The following BANF2 variants were observed in gnomAD, a reference collection of about 807,000 sequenced individuals.
BANF2 encodes barrier-to-autointegration factor-like protein.
In BANF2, 4 loss-of-function variants were observed where a neutral mutation model predicts 8.0. That is an observed-to-expected ratio of 0.50 (90% CI 0.25 to 1.14). BANF2 has a LOEUF of 1.14. BANF2 is among the 50% of genes most tolerant of loss of function. The pLI, the probability that BANF2 is intolerant of heterozygous loss-of-function variation, is 0.16. For synonymous variants in BANF2, 50 were observed against 40.6 expected (o/e 1.23, Z -0.88); for missense variants, 96 against 107.5 (o/e 0.89, Z 0.47).
chr20:17,729,170 TG>T (rs1288375565), intron 3 of BANF2, among the ~76,000 whole-genome samples: 1 of 152,194 alleles, frequency 6.6e-6, no homozygotes, highest in African/African-American at 2.4e-5. Context: ...ATGGTGCACA[TG>T]CCAATGAGGC....
chr20:17,735,598 AAG>A lies in BANF2; in HGVS notation c.127-64_127-63del, dbSNP rs2037965507. 3.2e-5 allele frequency: 49 copies of A among 1,526,044 alleles called. 1 individual carries two copies. The South Asian group carries it at 5.4e-4, about 17-fold the overall frequency. The allele number at this position is 1,526,044 out of a possible 1,614,324, so 94.5% of individuals were successfully genotyped here. On this transcript the variant is annotated intron_variant, in intron 3 of 3. Coordinates refer to ENST00000246090, the MANE Select transcript of BANF2 (RefSeq NM_178477.5). Reference sequence around the variant, plus strand: ...ACGTGAGCCCTGGTTGCTGGGAAGGAAGAGCGCGTCTGAGCTGGCTTATGATA... The same window carrying A: ...ACGTGAGCCCTGGTTGCTGGGAAGGAAGCGCGTCTGAGCTGGCTTATGATA...
Position 17,700,027 on chromosome 20 carries a change from A to G in BANF2, c.-195A>G, listed in dbSNP as rs3194551. 701,324 of 984,162 alleles carry G rather than the reference A, an allele frequency of 0.71. 255,803 individuals are homozygous for G. Among genetic ancestry groups the G allele is most frequent in the East Asian group, 0.95 (8,348 of 8,800 alleles). The allele number at this position is 984,162 out of a possible 1,614,324, so 61.0% of individuals were successfully genotyped here. On this transcript the variant is annotated 5_prime_UTR_variant, in exon 1 of 4. Transcript: ENST00000246090. ...TCCAAGGTGACTGAGACAAACTGCCAGCTGCCACTGGCTTATCAGGAGCAC... is the reference window on the plus strand; with the variant it reads ...TCCAAGGTGACTGAGACAAACTGCCGGCTGCCACTGGCTTATCAGGAGCAC...
chr20:17,732,961 G>A (rs988331461), intron 3 of BANF2, among the ~76,000 whole-genome samples: 1 of 152,194 alleles, frequency 6.6e-6, no homozygotes, highest in African/African-American at 2.4e-5. Flanking sequence ...AAGTGCTCAG[G>A]GAAGAAGGGA....
intron 2 of BANF2, among the ~76,000 whole-genome samples, chr20:17,724,513 C>A (rs1321885325): frequency 6.6e-6 from 1 of 152,212 alleles, no homozygotes; most frequent in African/African-American, 2.4e-5. Flanking sequence ...CGCTGCGACC[C>A]ATTCCCACCT....
At position 17,735,669 on chromosome 20, in the gene BANF2, A is replaced by G. The variant is rs1568823243; in HGVS notation, c.131A>G (p.Tyr44Cys). The change falls in exon 4 of 4, where the codon TAC becomes TGC. Residue 44 changes from tyrosine (Y) to cysteine (C), a missense_variant. Tyr to Cys is a radical substitution (Grantham distance 194, BLOSUM62 -2). Coordinates refer to ENST00000246090, the MANE Select transcript of BANF2 (RefSeq NM_178477.5). ...CCTGTCTCATCCCCTCCCCAGGCCT[A>G]CATCCTGCTGGGACAATTCCTTCTG... ...NLVTKGINKA[Y>C]ILLGQFLLMH... 1 of 1,613,742 alleles carries G rather than the reference A, an allele frequency of 6.2e-7. No individual in the cohort carries two copies. The highest frequency in any genetic ancestry group is 8.5e-7 in the Non-Finnish European group (1 of 1,179,718).
chr20:17,712,665 A>G (rs2037591829), intron 1 of BANF2: 1 of 517,770 alleles, frequency 1.9e-6, no homozygotes, highest in Non-Finnish European at 2.5e-6. Context: ...TGGGGCAGAG[A>G]AGGTAGATTC....
chr20:17,735,120 AAAGAG>A (rs1415866850), intron 3 of BANF2, among the ~76,000 whole-genome samples: 1 of 151,760 alleles, frequency 6.6e-6, no homozygotes, highest in Non-Finnish European at 1.5e-5. Flanking sequence ...AAAGAAAAGA[AAAGAG>A]AAGAAAAGAA....
chr20:17,728,903 C>T (rs2037852398), intron 3 of BANF2, among the ~76,000 whole-genome samples: 1 of 151,954 alleles, frequency 6.6e-6, no homozygotes, highest in African/African-American at 2.4e-5. Context: ...AAAGACTTAG[C>T]CCAAAAAAGG....
At chr20:17,716,516 G>C (rs922983028) in intron 1 of BANF2, among the ~76,000 whole-genome samples, 4 of 151,904 alleles carry the variant, frequency 2.6e-5, no homozygotes, top group East Asian at 1.9e-4. Flanking sequence ...GTAAAGACAA[G>C]GTTGTGGCAT....
chr20:17,729,986 T>G (rs2037868578), intron 3 of BANF2, among the ~76,000 whole-genome samples: 1 of 152,178 alleles, frequency 6.6e-6, no homozygotes, highest in African/African-American at 2.4e-5. Context: ...TCTCCCACAG[T>G]GCAAAAGTAA....
intron 1 of BANF2, among the ~76,000 whole-genome samples, chr20:17,716,248 G>T (rs922281201): frequency 1.3e-5 from 2 of 152,164 alleles, no homozygotes; most frequent in Admixed American, 6.5e-5. Flanking sequence ...AGCCTGACAG[G>T]GTCTCCTCAG....
At chr20:17,722,913 G>A (rs1168583188) in intron 2 of BANF2, 35 bp downstream of exon 2, 1 of 969,700 alleles carries the variant, frequency 1.0e-6, no homozygotes, top group Non-Finnish European at 1.2e-6. Context: ...GAGGGGATGG[G>A]GCTGTGAAAG....
chr20:17,725,573 G>T (rs1432767016), intron 3 of BANF2, among the ~76,000 whole-genome samples: 1 of 152,244 alleles, frequency 6.6e-6, no homozygotes, highest in East Asian at 1.9e-4. Flanking sequence ...AGAAACAGGA[G>T]CCTGGGGTCT....
At chr20:17,729,881 C>G (rs1216236497) in intron 3 of BANF2, among the ~76,000 whole-genome samples, 1 of 152,170 alleles carries the variant, frequency 6.6e-6, no homozygotes, top group Admixed American at 6.5e-5. Context: ...TTCTCTTCTC[C>G]CTGTGAAAAC....
intron 1 of BANF2, among the ~76,000 whole-genome samples, chr20:17,720,764 G>A (rs1200431305): frequency 3.3e-5 from 5 of 152,310 alleles, no homozygotes; most frequent in Admixed American, 6.5e-5. Flanking sequence ...TTACTGAACC[G>A]TGCACTTAAA....
intron 3 of BANF2, chr20:17,731,160 G>A (rs769439168): frequency 6.6e-6 from 1 of 152,410 alleles, no homozygotes; most frequent in African/African-American, 2.4e-5. Flanking sequence ...CTACTTGGGA[G>A]GCTGAGGCAG....
At chr20:17,705,777 A>G (rs1181920100) in intron 1 of BANF2, among the ~76,000 whole-genome samples, 3 of 152,228 alleles carry the variant, frequency 2.0e-5, no homozygotes, top group African/African-American at 7.2e-5. Context: ...TCATGCTGGG[A>G]TTACCCCAGA....
At chr20:17,715,511 A>C (rs2037639224) in intron 1 of BANF2, among the ~76,000 whole-genome samples, 1 of 152,224 alleles carries the variant, frequency 6.6e-6, no homozygotes, top group African/African-American at 2.4e-5. Flanking sequence ...AGAAAGAAAA[A>C]ATCTTGTTCC....
intron 3 of BANF2, among the ~76,000 whole-genome samples, chr20:17,735,376 C>T (rs1219549649): frequency 6.6e-6 from 1 of 152,148 alleles, no homozygotes; most frequent in Non-Finnish European, 1.5e-5. Context: ...TTAACAAGCT[C>T]CCACATGATT....
Sources: allele counts gnomAD v4.1 joint callset (sites outside exome capture counted in the v4.1 genomes callset), GRCh38; gene constraint gnomAD v4.1.1; transcripts MANE v1.5; gene names NCBI Gene and HGNC (gene_info 2026-07-23, HGNC 2026-07-21).